The following SYT7 variants were observed in gnomAD, a reference collection of about 807,000 sequenced individuals.
SYT7 encodes the protein synaptotagmin-7.
A neutral mutation model predicts 75.1 loss-of-function variants in SYT7; 29 were observed. The observed-to-expected ratio is 0.39, with a 90% CI of 0.29 to 0.53. SYT7 has a LOEUF of 0.53. Among genes scored for constraint, SYT7 ranks in the 20% least tolerant of loss-of-function variants. SYT7 has a pLI of 0.77. For missense variants in SYT7, 693 were observed against 953.2 expected (o/e 0.73, Z 3.59); for synonymous variants, 376 against 401.7 (o/e 0.94, Z 0.76).
intron 1 of SYT7, among the ~76,000 whole-genome samples, chr11:61,579,059 T>C (rs896576247): frequency 6.6e-6 from 1 of 152,054 alleles, no homozygotes; most frequent in Non-Finnish European, 1.5e-5. Context: ...GATGTCATGG[T>C]GCCCAGGCAT....
chr11:61,536,802 C>T (rs1251832193), intron 7 of SYT7, among the ~76,000 whole-genome samples: 1 of 152,182 alleles, frequency 6.6e-6, no homozygotes, highest in Non-Finnish European at 1.5e-5. Flanking sequence ...GCCTATCCAT[C>T]CTCCCTAGCC....
At chr11:61,519,015 G>A (rs1007911039) in intron 12 of SYT7, among the ~76,000 whole-genome samples, 3 of 152,218 alleles carry the variant, frequency 2.0e-5, no homozygotes, top group Admixed American at 1.3e-4. Flanking sequence ...GGTGGGGTTG[G>A]AGGCAGCTTG....
At position 61,528,757 on chromosome 11, in the gene SYT7, G is replaced by C. The variant is rs151035828; in HGVS notation, c.1201-572C>G. ...CAGGAGCAACGTCTGTTTGTGTAAG[G>C]CAGAATCACTAGGGACAAGAAAATT... On this transcript the variant is annotated intron_variant, in intron 8 of 12. Coordinates refer to ENST00000539008, the MANE Select transcript of SYT7 (RefSeq NM_001365809.2). Among the ~76,000 whole-genome samples the C allele has an allele frequency of 4.8e-3, 737 of 152,296 alleles. 1 individual carries two copies. The highest frequency in any genetic ancestry group is 8.5e-3 in the Non-Finnish European group (577 of 68,016).
Position 61,527,121 on chromosome 11 carries a change from G to A in SYT7, c.1471+794C>T, listed in dbSNP as rs182029408. ...TCCTCAGAGATAAGAGATAAAGACC[G>A]GCCTTCAGAGAGGGCTTGCAGGAGA... is the stretch of plus-strand genomic sequence containing the variant. On this transcript the variant is annotated intron_variant, in intron 9 of 12. Coordinates refer to ENST00000539008, the MANE Select transcript of SYT7 (RefSeq NM_001365809.2). Among the ~76,000 whole-genome samples, 15 of 152,248 alleles carry A rather than the reference G, an allele frequency of 9.9e-5. No homozygotes were observed. In the South Asian group the frequency reaches 1.0e-3, roughly 11 times the overall value.
rs1206780898 is a variant in SYT7 at position 61,547,318 on chromosome 11, CAG to C, written c.216-12_216-11del. The stretch of plus-strand genomic sequence containing the variant: ...GTCTCTGTCTAGATCACTGGAGGGG[CAG>C]AGAGAGAGGGGAGAAAACAGGGAGA... On this transcript the variant is annotated splice_polypyrimidine_tract_variant and intron_variant, in intron 3 of 12. Transcript: ENST00000539008. The C allele has an allele frequency of 5.9e-6, 9 of 1,534,654 alleles. No individual in the cohort carries two copies. The highest frequency in any genetic ancestry group is 2.4e-5 in the East Asian group (1 of 40,856).
At chr11:61,552,388 G>A (rs376566614) in intron 2 of SYT7, among the ~76,000 whole-genome samples, 2 of 152,070 alleles carry the variant, frequency 1.3e-5, no homozygotes, top group East Asian at 1.9e-4. Flanking sequence ...GGGGCTGTGC[G>A]GGGTTTGGGG....
chr11:61,546,429 CAGACAG>C lies in SYT7; in HGVS notation c.348-180_348-175del. The C allele has an allele frequency of 3.5e-6, 2 of 573,106 alleles. No homozygotes were observed. Among genetic ancestry groups the C allele is most frequent in the Non-Finnish European group, 6.1e-6 (2 of 325,778 alleles). 35.5% of individuals were successfully genotyped at this position (573,106 alleles called of 1,614,324 possible). ...AGGAGAGAGACAGACGGACATGAGA[CAGACAG>C]AGAGAGAGAGAGAGACATCAGCACT... On this transcript the variant is annotated intron_variant, in intron 4 of 12. Transcript: ENST00000539008. This position sits in a 1 kb window ranked among gnomAD's most constrained non-coding sequence, Gnocchi z 7.6.
chr11:61,552,044 G>A (rs927756776), intron 2 of SYT7, among the ~76,000 whole-genome samples: 1 of 152,124 alleles, frequency 6.6e-6, no homozygotes, highest in Non-Finnish European at 1.5e-5. Context: ...GTCTTAGGAA[G>A]AGAGACTGCC....
chr11:61,582,895 C>T (rs2064311849), upstream of SYT7, among the ~76,000 whole-genome samples: 2 of 152,166 alleles, frequency 1.3e-5, no homozygotes, highest in Admixed American at 1.3e-4. Context: ...TGGCTCATTC[C>T]CCCACCCACC....
intron 1 of SYT7, among the ~76,000 whole-genome samples, chr11:61,575,723 C>T (rs1351829789): frequency 1.3e-5 from 2 of 152,296 alleles, no homozygotes; most frequent in Middle Eastern, 3.4e-3. Context: ...TAAAGCTTTC[C>T]GTCATAGCTC....
chr11:61,553,483 C>T lies in SYT7; in HGVS notation c.136-2020G>A, dbSNP rs1017293722. On this transcript the variant is annotated intron_variant, in intron 2 of 12. Transcript: ENST00000539008. This position sits in a 1 kb window ranked among gnomAD's most constrained non-coding sequence, Gnocchi z 5.2. The stretch of plus-strand genomic sequence containing the variant: ...CAGGAAGGGCACGGTCAGCCCTTTC[C>T]GAGCAGCGCCCCCACAGACATCCTG... 1.3e-5 allele frequency among the ~76,000 whole-genome samples: 2 copies of T among 152,228 alleles called. No homozygotes were observed. The highest frequency in any genetic ancestry group is 1.9e-4 in the East Asian group (1 of 5,194).
chr11:61,536,618 C>T (rs913096439), intron 7 of SYT7, among the ~76,000 whole-genome samples: 1 of 152,204 alleles, frequency 6.6e-6, no homozygotes, highest in African/African-American at 2.4e-5. Flanking sequence ...CACATGGGCT[C>T]AGCGCCTGAC....
chr11:61,554,043 C>T (rs916955860), intron 2 of SYT7, among the ~76,000 whole-genome samples: 40 of 152,052 alleles, frequency 2.6e-4, no homozygotes, highest in African/African-American at 9.2e-4. Flanking sequence ...AGAGGGACAG[C>T]CTGCGGTCTG....
chr11:61,517,059 A>C lies in SYT7; in HGVS notation c.*1568T>G, dbSNP rs1417279894. 2.6e-6 allele frequency: 1 copy of C among 390,774 alleles called. No individual in the cohort carries two copies. The highest frequency in any genetic ancestry group is 4.5e-6 in the Non-Finnish European group (1 of 221,746). The allele number at this position is 390,774 out of a possible 1,614,324, so 24.2% of individuals were successfully genotyped here. ...GGTGTCACAGGCCCATCCAGAGTGG[A>C]ACTGGGGGCTAAGACCACGGCCACA... On this transcript the variant is annotated 3_prime_UTR_variant, in exon 13 of 13. Coordinates refer to ENST00000539008, the MANE Select transcript of SYT7 (RefSeq NM_001365809.2).
intron 1 of SYT7, among the ~76,000 whole-genome samples, chr11:61,559,021 G>A (rs927627844): frequency 6.6e-6 from 1 of 152,164 alleles, no homozygotes; most frequent in African/African-American, 2.4e-5. Flanking sequence ...TAGGATTACA[G>A]GCATGAGCCA....
chr11:61,581,032 G>A lies in SYT7; in HGVS notation c.-212C>T. ...CGCGGAGCACGCTGCCGCCGCCGCC[G>A]AACAGCGCCGAGCCGCCTCCCTCCG... On this transcript the variant is annotated 5_prime_UTR_variant, in exon 1 of 13. Transcript: ENST00000539008. 2.5e-5 allele frequency: 18 copies of A among 728,014 alleles called. No homozygotes were observed. The highest frequency in any genetic ancestry group is 2.7e-5 in the Non-Finnish European group (16 of 602,624). The allele number at this position is 728,014 out of a possible 1,614,324, so 45.1% of individuals were successfully genotyped here. A position where few individuals can be genotyped will look rare whatever the true frequency, so the allele number is the denominator to read the frequency against.
chr11:61,573,575 A>T (rs2063985660), intron 1 of SYT7, among the ~76,000 whole-genome samples: 1 of 152,146 alleles, frequency 6.6e-6, no homozygotes, highest in African/African-American at 2.4e-5. Context: ...CATCCATGGC[A>T]CTCCATGCCT....
chr11:61,533,794 T>A, intron 7 of SYT7: 1 of 444,434 alleles, frequency 2.3e-6, no homozygotes, highest in Non-Finnish European at 3.0e-6. Flanking sequence ...GCTGAAATTT[T>A]AATTTTGTTG....
At chr11:61,529,851 T>G (rs1022837768) in intron 8 of SYT7, among the ~76,000 whole-genome samples, 1 of 151,898 alleles carries the variant, frequency 6.6e-6, no homozygotes, top group African/African-American at 2.4e-5. Flanking sequence ...GTCAGGCGAG[T>G]CTCTAATTCC....
Sources: allele counts gnomAD v4.1 joint callset (sites outside exome capture counted in the v4.1 genomes callset), GRCh38; gene constraint gnomAD v4.1.1; non-coding constraint Gnocchi (gnomAD v3.1); transcripts MANE v1.5; gene names NCBI Gene and HGNC (gene_info 2026-07-23, HGNC 2026-07-21).